MED24: variants seen among roughly 807,000 people sequenced by gnomAD.
The protein encoded by MED24 is mediator of RNA polymerase II transcription subunit 24.
In MED24, 74 loss-of-function variants were observed where a neutral mutation model predicts 118.8. The ratio of observed to expected loss-of-function variants is 0.62; its 90% CI spans 0.52 to 0.76. The LOEUF (loss-of-function observed/expected upper bound fraction) is 0.76. Ranked by LOEUF, MED24 falls within the 30% of genes least tolerant of loss-of-function variation. MED24 has a pLI of 0.00. For missense variants in MED24, 1,041 were observed against 1,278.9 expected (o/e 0.81, Z 2.84); for synonymous variants, 521 against 523.9 (o/e 0.99, Z 0.08).
intron 16 of MED24, 44 bp downstream of exon 16, chr17:40,027,339 C>T: frequency 6.3e-7 from 1 of 1,579,914 alleles, no homozygotes; most frequent in Non-Finnish European, 8.6e-7. Flanking sequence ...TTCCGGGTTA[C>T]CTCCTTCCCT....
intron 19 of MED24, among the ~76,000 whole-genome samples, chr17:40,024,865 A>G (rs1982458588): frequency 1.3e-5 from 2 of 151,968 alleles, no homozygotes; most frequent in African/African-American, 4.8e-5. Flanking sequence ...CCTCCCAAGT[A>G]GCTGGGATTG....
At chr17:40,030,013 A>G (rs1225049282) in intron 12 of MED24, among the ~76,000 whole-genome samples, 154 bp from the exon 13 acceptor site, 1 of 152,188 alleles carries the variant, frequency 6.6e-6, no homozygotes, top group Non-Finnish European at 1.5e-5. Context: ...AAGCATAGTC[A>G]ATGTTGCAAT....
intron 3 of MED24, among the ~76,000 whole-genome samples, chr17:40,036,635 C>A (rs1337065348): frequency 2.0e-5 from 3 of 147,716 alleles, no homozygotes; most frequent in Non-Finnish European, 3.0e-5. Flanking sequence ...TTGCAGTGAG[C>A]CGAGATTGTG....
chr17:40,032,245 C>T (rs1983477591), intron 9 of MED24, 155 bp from the exon 10 acceptor site: 1 of 838,794 alleles, frequency 1.2e-6, no homozygotes. Context: ...ATGAGAAAGC[C>T]AATAGGTGCC....
At chr17:40,051,305 C>A (rs1448219195) in intron 3 of MED24, among the ~76,000 whole-genome samples, 1 of 151,308 alleles carries the variant, frequency 6.6e-6, no homozygotes, top group Non-Finnish European at 1.5e-5. Context: ...AGTAAGACTC[C>A]TTCTCAAAAA....
chr17:40,026,188 A>C lies in MED24; in HGVS notation c.1953T>G (p.Phe651Leu). Reference sequence around the variant, plus strand: ...TGTAGAACTGCAGGGTGTTCTCACTAAACAGTGGCCCTGCCAGCTGGCGGA... The same window carrying C: ...TGTAGAACTGCAGGGTGTTCTCACTCAACAGTGGCCCTGCCAGCTGGCGGA... The part of the protein sequence containing the change: ...QMIRQLAGPL[F>L]SENTLQFYNE... Residue 651 changes from phenylalanine (F) to leucine (L), a missense_variant, in exon 19 of 26, where the codon TTT (phenylalanine) becomes TTG (leucine). Physicochemically the swap from Phe to Leu is conservative, Grantham distance 22 (BLOSUM62 0). Transcript: ENST00000394128. 1 of 1,614,214 alleles carries C rather than the reference A, an allele frequency of 6.2e-7. No individual in the cohort carries two copies. Among genetic ancestry groups the C allele is most frequent in the Non-Finnish European group, 8.5e-7 (1 of 1,180,020 alleles).
In MED24 at chr17:40,035,716, C is replaced by T. The variant is rs1983863446; in HGVS notation, c.326+6G>A. 3 of 1,613,366 alleles carry T rather than the reference C, an allele frequency of 1.9e-6. No homozygotes were observed. The highest frequency in any genetic ancestry group is 2.2e-5 in the East Asian group (1 of 44,894). The stretch of plus-strand genomic sequence containing the variant: ...GTATTGTGAGCCCCCTTACCCCTGC[C>T]CTTACCTCAGACGGTCACAAAACAT... On this transcript the variant is annotated splice_donor_region_variant and intron_variant, in intron 5 of 25. Transcript: ENST00000394128.
At chr17:40,038,467 C>T (rs1984195449) in intron 3 of MED24, among the ~76,000 whole-genome samples, 1 of 152,094 alleles carries the variant, frequency 6.6e-6, no homozygotes, top group Admixed American at 6.6e-5. Context: ...AATCCCAGAA[C>T]TTTGGGAGGC....
chr17:40,038,709 CAAAAA>C (rs547061911), intron 3 of MED24, among the ~76,000 whole-genome samples: 1 of 84,314 alleles, frequency 1.2e-5, no homozygotes. Flanking sequence ...GACTCCATCT[CAAAAA>C]AAAAAAAAAA....
At chr17:40,025,484 C>T (rs1982537490) in intron 19 of MED24, among the ~76,000 whole-genome samples, 1 of 152,064 alleles carries the variant, frequency 6.6e-6, no homozygotes, top group Admixed American at 6.6e-5. Context: ...ATAAAGTAGT[C>T]AAATTCCTAG....
intron 13 of MED24, among the ~76,000 whole-genome samples, chr17:40,029,230 G>A (rs1424210105): frequency 6.6e-6 from 1 of 152,094 alleles, no homozygotes; most frequent in Non-Finnish European, 1.5e-5. Context: ...ACAGAGTCTC[G>A]CTCTATCGCT....
At position 40,027,963 on chromosome 17, in the gene MED24, C is replaced by T. The variant is rs1417958508; in HGVS notation, c.1410-17G>A. 1 of 1,613,674 alleles carries T rather than the reference C, an allele frequency of 6.2e-7. No individual in the cohort carries two copies. The highest frequency in any genetic ancestry group is 1.1e-5 in the South Asian group (1 of 91,086). The stretch of plus-strand genomic sequence containing the variant: ...TCATTCAAACTGAAAGGAATGGAGA[C>T]AGGCTGCATTGACCAGGGCATGAGC... On this transcript the variant is annotated splice_polypyrimidine_tract_variant and intron_variant, in intron 14 of 25. Coordinates refer to ENST00000394128, the MANE Select transcript of MED24 (RefSeq NM_014815.4).
rs774893890 is a variant in MED24, at chr17:40,026,366, A to G, written c.1810-35T>C. The G allele has an allele frequency of 5.6e-6, 9 of 1,601,622 alleles. No homozygotes were observed. The Admixed American group carries it at 1.2e-4, about 21-fold the overall frequency. ...ACGGAAAGGTGATGGGCTACCATCTATCTCCCTTTCTTGAGCCAACATCAC... is the reference window on the plus strand; with the variant it reads ...ACGGAAAGGTGATGGGCTACCATCTGTCTCCCTTTCTTGAGCCAACATCAC... On this transcript the variant is annotated intron_variant, in intron 18 of 25. Coordinates refer to ENST00000394128, the MANE Select transcript of MED24 (RefSeq NM_014815.4).
At chr17:40,037,091 G>A (rs1408251051) in intron 3 of MED24, among the ~76,000 whole-genome samples, 3 of 152,180 alleles carry the variant, frequency 2.0e-5, no homozygotes, top group Non-Finnish European at 4.4e-5. Context: ...TGAGGCAGGA[G>A]AGCTGCTTGA....
At chr17:40,026,071 G>A (rs1982610511) in intron 19 of MED24, 85 bp downstream of exon 19, 1 of 1,434,708 alleles carries the variant, frequency 7.0e-7, no homozygotes, top group Non-Finnish European at 9.6e-7. Context: ...GCGAAGGTCA[G>A]AAAAGAGAGG....
chr17:40,050,766 G>T (rs2145000142), intron 3 of MED24, among the ~76,000 whole-genome samples: 1 of 152,296 alleles, frequency 6.6e-6, no homozygotes, highest in East Asian at 1.9e-4. Flanking sequence ...TACGTATTGG[G>T]TACAGTGTTC....
chr17:40,029,140 C>T (rs1490258484), intron 13 of MED24, 172 bp from the exon 14 acceptor site: 1 of 818,792 alleles, frequency 1.2e-6, no homozygotes, highest in Admixed American at 2.6e-5. Flanking sequence ...CCATCCCTCT[C>T]ATCTACACTG....
rs370934350 is a variant in MED24 at position 40,033,150 on chromosome 17, G to T, written c.728C>A (p.Thr243Asn). ...CTCGAGCAGGATCACGGCGTGGACA[G>T]TGGGGAAGCCGGTCTTGTGCATCTG... ...AEQMHKTGFP[T>N]VHAVILLEGT... The change falls in exon 8 of 26, where the codon ACT (threonine) becomes AAT (asparagine). Residue 243 changes from threonine (T) to asparagine (N), a missense_variant. By Grantham distance (65) the Thr-to-Asn change is moderately conservative. Coordinates refer to ENST00000394128, the MANE Select transcript of MED24 (RefSeq NM_014815.4). The surrounding 1 kb of genome is among the most constrained non-coding windows in gnomAD (Gnocchi z 5.2). 1 of 1,614,046 alleles carries T rather than the reference G, an allele frequency of 6.2e-7. No individual in the cohort carries two copies. The highest frequency in any genetic ancestry group is 1.3e-5 in the African/African-American group (1 of 74,942).
intron 19 of MED24, among the ~76,000 whole-genome samples, chr17:40,024,631 C>T (rs1011436993): frequency 1.3e-5 from 2 of 152,232 alleles, no homozygotes; most frequent in Non-Finnish European, 2.9e-5. Flanking sequence ...CACCCATGTT[C>T]ACAGCAGCAC....
Sources: allele counts gnomAD v4.1 joint callset (sites outside exome capture counted in the v4.1 genomes callset), GRCh38; gene constraint gnomAD v4.1.1; non-coding constraint Gnocchi (gnomAD v3.1); transcripts MANE v1.5; gene names NCBI Gene and HGNC (gene_info 2026-07-23, HGNC 2026-07-21).